Variants in TECPR2 observed in about 807,000 individuals in gnomAD.
The protein encoded by TECPR2 is tectonin beta-propeller repeat-containing protein 2.
TECPR2 carries 65 observed loss-of-function variants against 138.1 expected under a neutral mutation model. The ratio of observed to expected loss-of-function variants is 0.47; its 90% CI spans 0.39 to 0.58. The LOEUF (loss-of-function observed/expected upper bound fraction) is 0.58, where lower values mean the gene tolerates loss of function less well. Among genes scored for constraint, TECPR2 ranks in the 20% least tolerant of loss-of-function variants. The pLI, the probability that TECPR2 is intolerant of heterozygous loss-of-function variation, is 0.00. For synonymous variants in TECPR2, 746 were observed against 749.8 expected (o/e 0.99, Z 0.08); for missense variants, 1,553 against 1,824.5 (o/e 0.85, Z 2.71).
At chr14:102,401,575 C>G (rs1367368197) in intron 2 of TECPR2, among the ~76,000 whole-genome samples, 2 of 151,602 alleles carry the variant, frequency 1.3e-5, no homozygotes, top group African/African-American at 2.4e-5. Flanking sequence ...GTCAGGAGAT[C>G]GAGACCATCC....
At chr14:102,458,396 C>T (rs1356881957) in intron 16 of TECPR2, among the ~76,000 whole-genome samples, 1 of 152,216 alleles carries the variant, frequency 6.6e-6, no homozygotes, top group African/African-American at 2.4e-5. Context: ...CTGTCTTCCT[C>T]AAACCCAGCT....
intron 2 of TECPR2, among the ~76,000 whole-genome samples, chr14:102,401,804 CAAAAAAAAAAA>C (rs34413626): frequency 2.0e-4 from 14 of 68,950 alleles, no homozygotes; most frequent in African/African-American, 6.1e-4. Flanking sequence ...GACTCCGTCT[CAAAAAAAAAAA>C]AAAAAAAAAA....
chr14:102,434,231 T>G lies in TECPR2; in HGVS notation c.1418-4T>G. On this transcript the variant is annotated splice_polypyrimidine_tract_variant and splice_region_variant and intron_variant, in intron 8 of 19. Coordinates refer to ENST00000359520, the MANE Select transcript of TECPR2 (RefSeq NM_014844.5). Reference sequence around the variant, plus strand: ...TTATTTTGAATGTTCTTATTCTGAATTAGAAGGTGGAAGCAGGAGCACCTG... The same window carrying G: ...TTATTTTGAATGTTCTTATTCTGAAGTAGAAGGTGGAAGCAGGAGCACCTG... 1 of 1,365,076 alleles carries G rather than the reference T, an allele frequency of 7.3e-7. No individual in the cohort carries two copies. Among genetic ancestry groups the G allele is most frequent in the East Asian group, 2.6e-5 (1 of 39,020 alleles). The allele number at this position is 1,365,076 out of a possible 1,614,324, so 84.6% of individuals were successfully genotyped here. A position where few individuals can be genotyped will look rare whatever the true frequency, so the allele number is the denominator to read the frequency against.
chr14:102,457,869 C>CTTTTTTTTTTTTTTT lies in TECPR2; in HGVS notation c.3640+5249_3640+5263dup, dbSNP rs748372168. Reference sequence around the variant, plus strand: ...CGCTCCTCTGCTCCCACTAAATTCCCTTTTTTTTTTTTTTTTTTTTTGAGA... The same window carrying CTTTTTTTTTTTTTTT: ...CGCTCCTCTGCTCCCACTAAATTCCCTTTTTTTTTTTTTTTTTTTTTTTTTTTTTTTTTTTTGAGA... On this transcript the variant is annotated intron_variant, in intron 16 of 19. Transcript: ENST00000359520. Among the ~76,000 whole-genome samples, 173 of 102,734 alleles carry CTTTTTTTTTTTTTTT rather than the reference C, an allele frequency of 1.7e-3. 9 individuals carry two copies. Among genetic ancestry groups the CTTTTTTTTTTTTTTT allele is most frequent in the African/African-American group, 5.0e-3 (123 of 24,480 alleles). 67.4% of individuals were successfully genotyped at this position (102,734 alleles called of 152,430 possible).
At chr14:102,390,059 G>A (rs936840683) in intron 2 of TECPR2, among the ~76,000 whole-genome samples, 6 of 152,042 alleles carry the variant, frequency 3.9e-5, no homozygotes, top group Non-Finnish European at 8.8e-5. Context: ...CAATTCTTTG[G>A]TATGCTAGTG....
intron 17 of TECPR2, among the ~76,000 whole-genome samples, chr14:102,492,940 C>A (rs11623570): frequency 0.31 from 46,533 of 152,054 alleles, 7,754 homozygotes; most frequent in East Asian, 0.5. Flanking sequence ...GTTTTATGTT[C>A]CAGAGACGTT....
chr14:102,483,791 C>CTTTTTTT (rs71119708), intron 17 of TECPR2, among the ~76,000 whole-genome samples: 17 of 92,444 alleles, frequency 1.8e-4, no homozygotes, highest in South Asian at 4.0e-4. Context: ...TTTTCCTTTT[C>CTTTTTTT]TTTTTTTTTT....
At chr14:102,439,916 G>A (rs778119077) in intron 10 of TECPR2, among the ~76,000 whole-genome samples, 17 of 152,186 alleles carry the variant, frequency 1.1e-4, no homozygotes, top group Non-Finnish European at 1.5e-4. Context: ...GTGAAAACAG[G>A]CCAACTCAGT....
In TECPR2 at chr14:102,498,452, G is replaced by A. The variant is rs914299420; in HGVS notation, c.*195G>A. Reference sequence around the variant, plus strand: ...CCCACAGCCTCCACCCGTGGCTGGCGTGATTGCTGCAGCAGTGGCGCCTCC... The same window carrying A: ...CCCACAGCCTCCACCCGTGGCTGGCATGATTGCTGCAGCAGTGGCGCCTCC... On this transcript the variant is annotated 3_prime_UTR_variant, in exon 20 of 20. Transcript: ENST00000359520. 13 of 739,962 alleles carry A rather than the reference G, an allele frequency of 1.8e-5. No homozygotes were observed. Among genetic ancestry groups the A allele is most frequent in the South Asian group, 9.4e-5 (5 of 53,146 alleles). 45.8% of individuals were successfully genotyped at this position (739,962 alleles called of 1,614,324 possible).
intron 2 of TECPR2, among the ~76,000 whole-genome samples, chr14:102,378,205 A>T (rs1345233984): frequency 6.6e-6 from 1 of 152,218 alleles, no homozygotes; most frequent in African/African-American, 2.4e-5. Context: ...ATGGACCAAG[A>T]TACAGCTTTT....
In TECPR2 at chr14:102,428,918, G is replaced by A. The variant is rs577692288; in HGVS notation, c.1084+536G>A. Reference sequence around the variant, plus strand: ...GCTAGAGTGCAATGAGGCGATCTCAGCTCACCGCAACCTCTGCCTCCCAGG... The same window carrying A: ...GCTAGAGTGCAATGAGGCGATCTCAACTCACCGCAACCTCTGCCTCCCAGG... On this transcript the variant is annotated intron_variant, in intron 7 of 19. Coordinates refer to ENST00000359520, the MANE Select transcript of TECPR2 (RefSeq NM_014844.5). 2.8e-3 allele frequency among the ~76,000 whole-genome samples: 422 copies of A among 150,902 alleles called. 3 individuals carry two copies. The highest frequency in any genetic ancestry group is 9.9e-3 in the African/African-American group (405 of 41,036).
intron 16 of TECPR2, among the ~76,000 whole-genome samples, chr14:102,464,399 T>G (rs1890496374): frequency 6.6e-6 from 1 of 152,168 alleles, no homozygotes; most frequent in Non-Finnish European, 1.5e-5. Context: ...TTTTGTTTTT[T>G]TTTGTTTTTT....
intron 15 of TECPR2, 142 bp from the exon 16 acceptor site, chr14:102,452,252 T>G: frequency 1.4e-6 from 1 of 713,672 alleles, no homozygotes; most frequent in Non-Finnish European, 2.3e-6. Flanking sequence ...CTCCTGCCCG[T>G]GTGGGAATGG....
At chr14:102,482,838 CTTTT>C (rs758301929) in intron 17 of TECPR2, among the ~76,000 whole-genome samples, 13 of 96,572 alleles carry the variant, frequency 1.3e-4, no homozygotes, top group Admixed American at 5.4e-4. Flanking sequence ...AGAAGCCTTT[CTTTT>C]TTTTTTTTTT....
At position 102,435,191 on chromosome 14, in the gene TECPR2, G is replaced by A. The variant is rs375125759; in HGVS notation, c.2374G>A (p.Gly792Arg). 11 of 1,610,732 alleles carry A rather than the reference G, an allele frequency of 6.8e-6. No homozygotes were observed. The highest frequency in any genetic ancestry group is 4.5e-5 in the East Asian group (2 of 44,830). ...DLSRLGAEDAGLLKPDQFAES... is the reference protein window; with the variant it reads ...DLSRLGAEDARLLKPDQFAES... ...GAGCCGGCTGGGTGCAGAGGACGCC[G>A]GGCTGCTCAAGCCAGATCAGGTATG... The change falls in exon 9 of 20, where the codon GGG becomes AGG. Residue 792 changes from glycine (G) to arginine (R), a missense_variant. By Grantham distance (125) the Gly-to-Arg change is moderately radical (BLOSUM62 -2). Transcript: ENST00000359520.
At chr14:102,433,782 A>G (rs1889579750) in intron 8 of TECPR2, among the ~76,000 whole-genome samples, 1 of 152,154 alleles carries the variant, frequency 6.6e-6, no homozygotes, top group Admixed American at 6.5e-5. Flanking sequence ...TCGGCCTCCC[A>G]AAGTGCTAGG....
intron 2 of TECPR2, among the ~76,000 whole-genome samples, chr14:102,391,328 G>C (rs1286487723): frequency 3.3e-5 from 5 of 152,206 alleles, no homozygotes; most frequent in Admixed American, 6.5e-5. Flanking sequence ...CCAAAGTGCT[G>C]GGATTACAGG....
At chr14:102,472,400 A>C (rs958390492) in intron 17 of TECPR2, among the ~76,000 whole-genome samples, 1 of 152,248 alleles carries the variant, frequency 6.6e-6, no homozygotes, top group African/African-American at 2.4e-5. Flanking sequence ...GGTGATCAAC[A>C]GCTTTGCCAG....
In TECPR2 at chr14:102,441,514, TA is replaced by T. The variant is rs755321740; in HGVS notation, c.2752+922del. ...CAACATGGTGAAACTCTGTCTCTAC[TA>T]AAAAAAAAAAAAAAAATACAAAAAA... is the stretch of plus-strand genomic sequence containing the variant. On this transcript the variant is annotated intron_variant, in intron 11 of 19. Transcript: ENST00000359520. Among the ~76,000 whole-genome samples, 760 of 123,464 alleles carry T rather than the reference TA, an allele frequency of 6.2e-3. 1 individual carries two copies. The highest frequency in any genetic ancestry group is 5.2e-3 in the Non-Finnish European group (298 of 57,260). The allele number at this position is 123,464 out of a possible 152,430, so 81.0% of individuals were successfully genotyped here. A position where few individuals can be genotyped will look rare whatever the true frequency, so the allele number is the denominator to read the frequency against.
Sources: allele counts gnomAD v4.1 joint callset (sites outside exome capture counted in the v4.1 genomes callset), GRCh38; gene constraint gnomAD v4.1.1; transcripts MANE v1.5; gene names NCBI Gene and HGNC (gene_info 2026-07-23, HGNC 2026-07-21).